CD55: variants seen among roughly 807,000 people sequenced by gnomAD.
CD55 encodes complement decay-accelerating factor.
In CD55, 41 loss-of-function variants were observed where a neutral mutation model predicts 45.8. That is an observed-to-expected ratio of 0.90 (90% CI 0.70 to 1.16). The LOEUF (loss-of-function observed/expected upper bound fraction) is 1.16. Among genes scored for constraint, CD55 ranks in the 50% most tolerant of loss-of-function variants. The pLI, the probability that CD55 is intolerant of heterozygous loss-of-function variation, is 0.00. For missense variants in CD55, 416 were observed against 469.8 expected, an observed-to-expected ratio of 0.89 and a Z score of 1.06; for synonymous variants, 181 against 181.1, an observed-to-expected ratio of 1.00 and a Z score of 0.01.
intron 3 of CD55, 94 bp from the exon 4 acceptor site, chr1:207,325,528 G>A (rs998403556): frequency 1.5e-6 from 1 of 659,774 alleles, no homozygotes; most frequent in Non-Finnish European, 2.7e-6. Context: ...ACACAGTCAA[G>A]CTAATTAACA....
Position 207,321,726 on chromosome 1 carries a change from G to A in CD55, c.-40G>A, listed in dbSNP as rs1165721707. ...CCGCTGGGCGTAGCTGCGACTCGGC[G>A]GAGTCCCGGCGGCGCGTCCTTGTTC... On this transcript the variant is annotated 5_prime_UTR_variant, in exon 1 of 10. Coordinates refer to ENST00000367064, the MANE Select transcript of CD55 (RefSeq NM_000574.5). The A allele has an allele frequency of 2.1e-6, 3 of 1,437,504 alleles. No individual in the cohort carries two copies. The highest frequency in any genetic ancestry group is 5.3e-5 in the East Asian group (2 of 37,780). 89.0% of individuals were successfully genotyped at this position (1,437,504 alleles called of 1,614,324 possible). A position where few individuals can be genotyped will look rare whatever the true frequency, so the allele number is the denominator to read the frequency against.
At chr1:207,359,468 CTA>C (rs915188744) in intron 9 of CD55, 76 bp from the exon 10 acceptor site, 7 of 1,362,292 alleles carry the variant, frequency 5.1e-6, no homozygotes, top group East Asian at 5.3e-5. Context: ...CACATAGTAA[CTA>C]AAAATTTATA....
chr1:207,347,131 G>T (rs1655671092), intron 9 of CD55: 2 of 456,116 alleles, frequency 4.4e-6, no homozygotes, highest in African/African-American at 2.0e-5. Flanking sequence ...TTCCTGCTTA[G>T]GTTTCTCTCC....
At chr1:207,333,864 G>C (rs1389351099) in intron 6 of CD55, among the ~76,000 whole-genome samples, 2 of 152,068 alleles carry the variant, frequency 1.3e-5, no homozygotes, top group African/African-American at 4.8e-5. Context: ...GTGAAATATA[G>C]ATAAAAGTTT....
intron 9 of CD55, among the ~76,000 whole-genome samples, chr1:207,357,365 G>A (rs943891585): frequency 6.6e-6 from 1 of 151,860 alleles, no homozygotes; most frequent in African/African-American, 2.4e-5. Context: ...AAAGTGAGTT[G>A]GTATGGAAGC....
chr1:207,353,989 G>A (rs756190250), intron 9 of CD55: 3 of 1,531,262 alleles, frequency 2.0e-6, no homozygotes, highest in African/African-American at 2.7e-5. Context: ...CACATGCATT[G>A]CATTTCCACT....
intron 9 of CD55, 47 bp downstream of exon 9, chr1:207,339,464 G>T: frequency 7.1e-7 from 1 of 1,414,180 alleles, no homozygotes; most frequent in Middle Eastern, 1.8e-4. Flanking sequence ...TTCACTGTGG[G>T]ATATACAATC....
intron 9 of CD55, among the ~76,000 whole-genome samples, chr1:207,354,575 A>G (rs1381039811): frequency 6.6e-6 from 1 of 152,192 alleles, no homozygotes; most frequent in Non-Finnish European, 1.5e-5. Flanking sequence ...TCTTAGGAAC[A>G]TTGGAATCAT....
intron 5 of CD55, 47 bp downstream of exon 5, chr1:207,326,884 C>G: frequency 7.7e-7 from 1 of 1,294,094 alleles, no homozygotes; most frequent in Non-Finnish European, 1.1e-6. Context: ...GCTGAGTACT[C>G]AATGATAAAT....
At chr1:207,334,074 A>G (rs183181776) in intron 6 of CD55, among the ~76,000 whole-genome samples, 2 of 152,178 alleles carry the variant, frequency 1.3e-5, no homozygotes, top group African/African-American at 4.8e-5. Context: ...TCTAAGCTGA[A>G]TAAAAATAAA....
chr1:207,351,634 A>G (rs1011105459), intron 9 of CD55, among the ~76,000 whole-genome samples: 3 of 152,190 alleles, frequency 2.0e-5, no homozygotes, highest in Non-Finnish European at 4.4e-5. Flanking sequence ...ATTTATCTTG[A>G]AAGATTCCAA....
intron 1 of CD55, 123 bp downstream of exon 1, chr1:207,321,988 C>G: frequency 3.0e-6 from 2 of 672,464 alleles, no homozygotes; most frequent in Non-Finnish European, 2.5e-6. Flanking sequence ...GGTCGTGGTT[C>G]CCGCCGTCCT....
At chr1:207,336,138 G>A (rs1655162618) in intron 6 of CD55, among the ~76,000 whole-genome samples, 1 of 152,138 alleles carries the variant, frequency 6.6e-6, no homozygotes, top group Non-Finnish European at 1.5e-5. Context: ...TTGTTATCTA[G>A]TCTGAAATCT....
chr1:207,335,560 TTAGAA>T (rs1655135745), intron 6 of CD55, among the ~76,000 whole-genome samples: 1 of 152,150 alleles, frequency 6.6e-6, no homozygotes, highest in African/African-American at 2.4e-5. Flanking sequence ...AAAGAATAAT[TTAGAA>T]TAGTTTTTAT....
rs757516874 is a variant in CD55 at position 207,325,612 on chromosome 1, T to G, written c.479-10T>G. ...TTAATTTTAAAAAATCAATTTGTAT[T>G]CTATTCTAGAGAAATCATGCCCTAA... On this transcript the variant is annotated splice_polypyrimidine_tract_variant and intron_variant, in intron 3 of 9. Transcript: ENST00000367064. 1 of 1,549,886 alleles carries G rather than the reference T, an allele frequency of 6.5e-7. No homozygotes were observed.
chr1:207,347,164 G>A (rs1655673265), intron 9 of CD55: 1 of 456,114 alleles, frequency 2.2e-6, no homozygotes, highest in Non-Finnish European at 4.4e-6. Context: ...AAGACCAGAG[G>A]CATCTAGTCA....
At chr1:207,340,158 C>T (rs1489293176) in intron 9 of CD55, among the ~76,000 whole-genome samples, 1 of 152,250 alleles carries the variant, frequency 6.6e-6, no homozygotes, top group African/African-American at 2.4e-5. Flanking sequence ...ATCTAACATT[C>T]TTCTCTCTAC....
chr1:207,360,484 A>G lies in CD55; in HGVS notation c.*874A>G, dbSNP rs1558162599. 1 of 152,190 alleles carries G rather than the reference A, an allele frequency of 6.6e-6. No homozygotes were observed. The highest frequency in any genetic ancestry group is 1.5e-5 in the Non-Finnish European group (1 of 68,016). The allele number at this position is 152,190 out of a possible 1,614,324, so 9.4% of individuals were successfully genotyped here. A position where few individuals can be genotyped will look rare whatever the true frequency, so the allele number is the denominator to read the frequency against. On this transcript the variant is annotated 3_prime_UTR_variant, in exon 10 of 10. Transcript: ENST00000367064. ...ATGTATTTTTCCTAAATAGAAATAA[A>G]TGATCCCATTTTTTGGTATCATGTA...
At chr1:207,345,409 G>A (rs549063428) in intron 9 of CD55, among the ~76,000 whole-genome samples, 10 of 151,872 alleles carry the variant, frequency 6.6e-5, no homozygotes, top group Middle Eastern at 3.4e-3. Flanking sequence ...TCCAGAAGTT[G>A]TTTGGTTCTT....
Sources: allele counts gnomAD v4.1 joint callset (sites outside exome capture counted in the v4.1 genomes callset), GRCh38; gene constraint gnomAD v4.1.1; transcripts MANE v1.5; gene names NCBI Gene and HGNC (gene_info 2026-07-23, HGNC 2026-07-21).